The following RYR2 variants were observed in gnomAD, a reference collection of about 807,000 sequenced individuals.
The protein encoded by RYR2 is cardiac muscle ryanodine receptor-calcium release channel.
Under a neutral mutation model 601.1 loss-of-function variants are expected in RYR2, and 227 were observed. The ratio of observed to expected loss-of-function variants is 0.38; its 90% CI spans 0.34 to 0.42. RYR2 has a LOEUF of 0.42. Among genes scored for constraint, RYR2 ranks in the 10% least tolerant of loss-of-function variants. RYR2 has a pLI of 1.00. For missense variants in RYR2, 4,646 were observed against 6,156.5 expected (o/e 0.75, Z 8.21); for synonymous variants, 2,223 against 2,175.1 (o/e 1.02, Z -0.61).
intron 16 of RYR2, among the ~76,000 whole-genome samples, chr1:237,460,822 G>T (rs190146653): frequency 6.6e-6 from 1 of 152,226 alleles, no homozygotes; most frequent in Non-Finnish European, 1.5e-5. Flanking sequence ...CCCCTCATAA[G>T]GTTGTTGGGT....
chr1:237,666,297 A>G (rs1047987388), intron 56 of RYR2, among the ~76,000 whole-genome samples: 1 of 152,216 alleles, frequency 6.6e-6, no homozygotes, highest in Admixed American at 6.5e-5. Context: ...CCGATAGGCA[A>G]TTTTCAGAAT....
chr1:237,590,830 A>T lies in RYR2; in HGVS notation c.3998A>T (p.Asp1333Val). 6.2e-7 allele frequency: 1 copy of T among 1,613,744 alleles called. No individual in the cohort carries two copies. Among genetic ancestry groups the T allele is most frequent in the Non-Finnish European group, 8.5e-7 (1 of 1,179,832 alleles). Residue 1333 changes from aspartate (D) to valine (V), a missense_variant, in exon 31 of 105, where the codon GAC (aspartate) becomes GTC (valine). By Grantham distance (152) the Asp-to-Val change is radical. Around this residue, in one of 17 missense-constraint regions of RYR2, gnomAD observed 1,807 missense variants for 2,088.1 expected, o/e 0.87. Coordinates refer to ENST00000366574, the MANE Select transcript of RYR2 (RefSeq NM_001035.3). The stretch of plus-strand genomic sequence containing the variant: ...GCTGGCCTTTTTGGGCCCAAGAATG[A>T]CTTGGAAGATTATGATGCTGATTCT... The part of the protein sequence containing the change: ...PGAGLFGPKN[D>V]LEDYDADSDF...
At chr1:237,827,714 G>A (rs1009675447) in intron 101 of RYR2, among the ~76,000 whole-genome samples, 27 of 151,290 alleles carry the variant, frequency 1.8e-4, no homozygotes, top group Admixed American at 9.2e-4. Context: ...CGAGGCAGGC[G>A]GATCACAAGG....
At chr1:237,571,227 A>G (rs932506957) in intron 29 of RYR2, among the ~76,000 whole-genome samples, 1 of 152,112 alleles carries the variant, frequency 6.6e-6, no homozygotes, top group Admixed American at 6.5e-5. Flanking sequence ...GGATTTGCAT[A>G]TAAAAATGTA....
In RYR2 at chr1:237,831,576, T is replaced by A; in HGVS notation, c.14808+11T>A. On this transcript the variant is annotated intron_variant, in intron 104 of 104. Coordinates refer to ENST00000366574, the MANE Select transcript of RYR2 (RefSeq NM_001035.3). ...GAACACACAGGACAGGTAGGTAAAT[T>A]ATTACATGTCATCTTCTGAAAGAAA... 2.0e-6 allele frequency: 3 copies of A among 1,483,668 alleles called. No individual in the cohort carries two copies. The highest frequency in any genetic ancestry group is 2.8e-6 in the Non-Finnish European group (3 of 1,071,572). The allele number at this position is 1,483,668 out of a possible 1,614,324, so 91.9% of individuals were successfully genotyped here.
chr1:237,423,890 C>G (rs1439950882), intron 12 of RYR2, among the ~76,000 whole-genome samples: 1 of 152,112 alleles, frequency 6.6e-6, no homozygotes. Context: ...GTTTAATTGA[C>G]TTATACTTCC....
Position 237,180,750 on chromosome 1 carries a change from A to C in RYR2, c.49-89747A>C, listed in dbSNP as rs954875656. 6.8e-6 allele frequency among the ~76,000 whole-genome samples: 1 copy of C among 148,032 alleles called. No homozygotes were observed. The highest frequency in any genetic ancestry group is 2.5e-5 in the African/African-American group (1 of 40,752). On this transcript the variant is annotated intron_variant, in intron 1 of 104. Coordinates refer to ENST00000366574, the MANE Select transcript of RYR2 (RefSeq NM_001035.3). This position sits in a 1 kb window ranked among gnomAD's most constrained non-coding sequence, Gnocchi z 5.3. ...CATAGATATATGCTATTATATAATA[A>C]ATATTAATATGTTAATAGTAATATG... is the stretch of plus-strand genomic sequence containing the variant.
intron 2 of RYR2, among the ~76,000 whole-genome samples, chr1:237,309,479 CAG>C (rs1453865732): frequency 6.6e-6 from 1 of 152,230 alleles, no homozygotes; most frequent in Non-Finnish European, 1.5e-5. Context: ...GAGCTAGACA[CAG>C]GGTGCTGATT....
chr1:237,706,639 G>A (rs889636262), intron 67 of RYR2, among the ~76,000 whole-genome samples: 2 of 152,160 alleles, frequency 1.3e-5, no homozygotes, highest in Non-Finnish European at 1.5e-5. Flanking sequence ...GGAGGCCAAG[G>A]TGGAGCCAGT....
chr1:237,619,631 A>G (rs1329303906), intron 38 of RYR2, among the ~76,000 whole-genome samples: 2 of 152,224 alleles, frequency 1.3e-5, no homozygotes, highest in African/African-American at 4.8e-5. Context: ...AGATGAGTAC[A>G]TTCCGTATAG....
intron 16 of RYR2, among the ~76,000 whole-genome samples, chr1:237,457,592 A>G (rs1572413468): frequency 6.6e-6 from 1 of 152,322 alleles, no homozygotes; most frequent in East Asian, 1.9e-4. Context: ...ACACCTGCAC[A>G]TGCAGCTAGT....
In RYR2 at chr1:237,061,211, T is replaced by TTCTTTCTA. The variant is rs1553275424; in HGVS notation, c.48+18645_48+18646insTTCTATCT. Reference sequence around the variant, plus strand: ...TTAGCCTGTTTTAAAAATACGGTTGTTCTATCTATCTATCTATCTATCTAT... The same window carrying TTCTTTCTA: ...TTAGCCTGTTTTAAAAATACGGTTGTTCTTTCTATCTATCTATCTATCTATCTATCTAT... On this transcript the variant is annotated intron_variant, in intron 1 of 104. Transcript: ENST00000366574. 6.7e-5 allele frequency among the ~76,000 whole-genome samples: 7 copies of TTCTTTCTA among 104,274 alleles called. 1 individual carries two copies. Among genetic ancestry groups the TTCTTTCTA allele is most frequent in the African/African-American group, 2.4e-4 (7 of 29,340 alleles). The allele number at this position is 104,274 out of a possible 152,430, so 68.4% of individuals were successfully genotyped here.
chr1:237,653,749 T>C (rs528693444), intron 51 of RYR2, among the ~76,000 whole-genome samples: 7 of 152,152 alleles, frequency 4.6e-5, no homozygotes, highest in Admixed American at 1.3e-4. Context: ...AAGCCAACAG[T>C]GCAGCCTTCA....
intron 100 of RYR2, among the ~76,000 whole-genome samples, chr1:237,811,578 GGTTA>G (rs1238195635): frequency 6.6e-6 from 1 of 152,086 alleles, no homozygotes; most frequent in African/African-American, 2.4e-5. Context: ...ATGAATTGCA[GGTTA>G]GTTAAAAATT....
intron 97 of RYR2, among the ~76,000 whole-genome samples, chr1:237,801,176 A>AAAGT (rs1009452328): frequency 7.9e-6 from 1 of 126,508 alleles, no homozygotes; most frequent in Non-Finnish European, 1.8e-5. Context: ...AGTGCATATG[A>AAAGT]AAGTGAGGAA....
At chr1:237,558,334 G>A (rs1671111063) in intron 27 of RYR2, among the ~76,000 whole-genome samples, 1 of 152,188 alleles carries the variant, frequency 6.6e-6, no homozygotes, top group African/African-American at 2.4e-5. Flanking sequence ...AGGGCAGGCT[G>A]GACTGGATTA....
At chr1:237,101,299 TAAAAAA>T (rs374151748) in intron 1 of RYR2, among the ~76,000 whole-genome samples, 3 of 94,144 alleles carry the variant, frequency 3.2e-5, no homozygotes, top group Admixed American at 1.2e-4. Flanking sequence ...TTTTAGAAGT[TAAAAAA>T]AAAAAAAAAA....
At chr1:237,471,250 C>T (rs1660691812) in intron 17 of RYR2, 1 of 152,404 alleles carries the variant, frequency 6.6e-6, no homozygotes, top group Non-Finnish European at 1.5e-5. Flanking sequence ...TGGCATTCAC[C>T]CGTGGAAGCT....
At chr1:237,350,765 T>C (rs1484399238) in intron 3 of RYR2, among the ~76,000 whole-genome samples, 1 of 151,246 alleles carries the variant, frequency 6.6e-6, no homozygotes, top group African/African-American at 2.4e-5. Flanking sequence ...TCTAATGATA[T>C]AGCTTTCAAG....
Sources: allele counts gnomAD v4.1 joint callset (sites outside exome capture counted in the v4.1 genomes callset), GRCh38; gene constraint gnomAD v4.1.1; regional missense constraint gnomAD v4.1.1; non-coding constraint Gnocchi (gnomAD v3.1); transcripts MANE v1.5; gene names NCBI Gene and HGNC (gene_info 2026-07-23, HGNC 2026-07-21).